The following ZNF804A variants were observed in gnomAD, a reference collection of about 807,000 sequenced individuals.
ZNF804A encodes zinc finger protein 804A.
ZNF804A carries 2 observed loss-of-function variants against 16.5 expected under a neutral mutation model. The observed-to-expected ratio is 0.12, with a 90% CI of 0.05 to 0.38. The LOEUF is 0.38. Ranked by LOEUF, ZNF804A falls within the 10% of genes least tolerant of loss-of-function variation. The probability of loss-of-function intolerance (pLI) is 0.99; values close to 1 mark genes in which losing one functional copy is unlikely to be tolerated. For missense variants in ZNF804A, 1,473 were observed against 1,390.7 expected, an observed-to-expected ratio of 1.06 and a Z score of -0.94; for synonymous variants, 534 against 489.6, an observed-to-expected ratio of 1.09 and a Z score of -1.20.
intron 1 of ZNF804A, among the ~76,000 whole-genome samples, chr2:184,652,747 G>T (rs1417725866): frequency 6.6e-6 from 1 of 152,060 alleles, no homozygotes; most frequent in East Asian, 1.9e-4. Flanking sequence ...ATCTTGAATT[G>T]TAGTTCCCAT....
intron 1 of ZNF804A, among the ~76,000 whole-genome samples, chr2:184,853,868 CTT>C (rs35756065): frequency 0.13 from 17,357 of 138,080 alleles, 1,393 homozygotes; most frequent in African/African-American, 0.24. Flanking sequence ...AATTTTGTTT[CTT>C]TTTTTTTTTT....
intron 1 of ZNF804A, among the ~76,000 whole-genome samples, chr2:184,609,057 T>A (rs573033512): frequency 1.1e-4 from 16 of 152,176 alleles, no homozygotes; most frequent in Non-Finnish European, 2.9e-5. Flanking sequence ...AGTTTTAGGA[T>A]ATGTAGAAAT....
intron 1 of ZNF804A, among the ~76,000 whole-genome samples, chr2:184,718,440 A>G (rs1693248367): frequency 6.6e-6 from 1 of 152,174 alleles, no homozygotes; most frequent in Non-Finnish European, 1.5e-5. Flanking sequence ...TCATTTCAGC[A>G]TTAACTCAAA....
chr2:184,689,141 T>C (rs1399329793), intron 1 of ZNF804A, among the ~76,000 whole-genome samples: 2 of 152,152 alleles, frequency 1.3e-5, no homozygotes, highest in African/African-American at 4.8e-5. Flanking sequence ...TTTGAATCGA[T>C]GGGTTAGTTT....
intron 1 of ZNF804A, among the ~76,000 whole-genome samples, chr2:184,672,193 T>G (rs1278106395): frequency 3.3e-5 from 5 of 152,198 alleles, no homozygotes; most frequent in Admixed American, 2.6e-4. Context: ...TGAAGATAAA[T>G]AAAGGCTACT....
intron 2 of ZNF804A, among the ~76,000 whole-genome samples, chr2:184,881,909 A>G (rs1684814996): frequency 6.6e-6 from 1 of 152,082 alleles, no homozygotes. Context: ...ACATCTGACA[A>G]TATCATGGCA....
chr2:184,828,293 AGTTTT>A (rs1357605181), intron 1 of ZNF804A, among the ~76,000 whole-genome samples: 1 of 151,888 alleles, frequency 6.6e-6, no homozygotes, highest in African/African-American at 2.4e-5. Context: ...GTCCACAAAT[AGTTTT>A]ATTTTGTTAA....
At chr2:184,835,626 A>C (rs924260842) in intron 1 of ZNF804A, among the ~76,000 whole-genome samples, 5 of 151,800 alleles carry the variant, frequency 3.3e-5, no homozygotes, top group African/African-American at 1.2e-4. Flanking sequence ...TCAGAACACA[A>C]ATGAGAGAGA....
chr2:184,794,342 A>G (rs866841618), intron 1 of ZNF804A, among the ~76,000 whole-genome samples: 2 of 151,908 alleles, frequency 1.3e-5, no homozygotes, highest in East Asian at 3.9e-4. Flanking sequence ...GCATTTTTTC[A>G]TACGTTTGTT....
At chr2:184,727,700 G>T (rs928929733) in intron 1 of ZNF804A, among the ~76,000 whole-genome samples, 6 of 151,518 alleles carry the variant, frequency 4.0e-5, no homozygotes, top group Non-Finnish European at 7.4e-5. Context: ...CAAAAGTATT[G>T]CATGCAATGC....
At chr2:184,791,044 T>C (rs976800761) in intron 1 of ZNF804A, among the ~76,000 whole-genome samples, 2 of 152,226 alleles carry the variant, frequency 1.3e-5, no homozygotes, top group South Asian at 2.1e-4. Flanking sequence ...CTCTACCCTT[T>C]TGCTTTGAGT....
At chr2:184,815,017 T>C (rs1375010836) in intron 1 of ZNF804A, among the ~76,000 whole-genome samples, 3 of 152,046 alleles carry the variant, frequency 2.0e-5, no homozygotes, top group Non-Finnish European at 2.9e-5. Context: ...ATCTTCTTTA[T>C]AGAAAATTAA....
chr2:184,771,030 T>C (rs1694204014), intron 1 of ZNF804A, among the ~76,000 whole-genome samples: 1 of 152,006 alleles, frequency 6.6e-6, no homozygotes, highest in Non-Finnish European at 1.5e-5. Context: ...ACAAAATGGA[T>C]AAATAAATTT....
intron 1 of ZNF804A, among the ~76,000 whole-genome samples, chr2:184,689,521 A>C (rs1355659489): frequency 1.1e-4 from 17 of 152,120 alleles, no homozygotes; most frequent in Non-Finnish European, 2.5e-4. Context: ...CATATATTTG[A>C]AAGCTATTAG....
Position 184,884,704 on chromosome 2 carries a change from T to C in ZNF804A, c.255+18192T>C, listed in dbSNP as rs116299444. On this transcript the variant is annotated intron_variant, in intron 2 of 3. Coordinates refer to ENST00000302277, the MANE Select transcript of ZNF804A (RefSeq NM_194250.2). ...TATACAAAAATTAACTCAAGATGTATTAAAGACTTAAATGTATAACCTAAA... is the reference window on the plus strand; with the variant it reads ...TATACAAAAATTAACTCAAGATGTACTAAAGACTTAAATGTATAACCTAAA... Among the ~76,000 whole-genome samples, 1,146 of 152,104 alleles carry C rather than the reference T, an allele frequency of 7.5e-3. 16 individuals carry two copies. The highest frequency in any genetic ancestry group is 0.026 in the African/African-American group (1,089 of 41,530).
chr2:184,839,151 A>C (rs926480647), intron 1 of ZNF804A, among the ~76,000 whole-genome samples: 1 of 152,122 alleles, frequency 6.6e-6, no homozygotes, highest in Non-Finnish European at 1.5e-5. Context: ...CCTAACCTAA[A>C]CTGCCACAAT....
rs528864852 is a variant in ZNF804A, at chr2:184,887,961, G to A, written c.255+21449G>A. Among the ~76,000 whole-genome samples the A allele has an allele frequency of 4.6e-5, 7 of 152,188 alleles. No homozygotes were observed. In the South Asian group the frequency reaches 1.2e-3, roughly 27 times the overall value. ...ACAAAGAGGGAAAAAACAGACACCA[G>A]GGCCTACTTGAGAGTGGAGGTTGGG... On this transcript the variant is annotated intron_variant, in intron 2 of 3. Transcript: ENST00000302277.
chr2:184,905,023 C>A (rs1354484787), intron 2 of ZNF804A, among the ~76,000 whole-genome samples: 1 of 151,918 alleles, frequency 6.6e-6, no homozygotes, highest in Non-Finnish European at 1.5e-5. Context: ...TTATTCTGTT[C>A]TGCAACTATA....
At chr2:184,858,865 C>T (rs1346652380) in intron 1 of ZNF804A, among the ~76,000 whole-genome samples, 7 of 152,158 alleles carry the variant, frequency 4.6e-5, no homozygotes. Context: ...GTTAACCCCT[C>T]AGCTTTTGTT....
Sources: allele counts gnomAD v4.1 joint callset (sites outside exome capture counted in the v4.1 genomes callset), GRCh38; gene constraint gnomAD v4.1.1; transcripts MANE v1.5; gene names NCBI Gene and HGNC (gene_info 2026-07-23, HGNC 2026-07-21).